PRKG1: variants seen among roughly 807,000 people sequenced by gnomAD.
PRKG1 encodes cGMP-dependent protein kinase 1.
Under a neutral mutation model 88.1 loss-of-function variants are expected in PRKG1, and 35 were observed. The ratio of observed to expected loss-of-function variants is 0.40; its 90% CI spans 0.30 to 0.53. PRKG1 has a LOEUF of 0.53. PRKG1 is among the 20% of genes least tolerant of loss of function. The probability of loss-of-function intolerance (pLI) is 0.59; values close to 1 mark genes in which losing one functional copy is unlikely to be tolerated. For missense variants in PRKG1, 540 were observed against 839.8 expected (o/e 0.64, Z 4.41); for synonymous variants, 303 against 292.5 (o/e 1.04, Z -0.37).
At position 51,614,473 on chromosome 10, in the gene PRKG1, T is replaced by A. The variant is rs764473933; in HGVS notation, c.592+146637T>A. 1.7e-4 allele frequency among the ~76,000 whole-genome samples: 26 copies of A among 152,164 alleles called. No individual in the cohort carries two copies. The East Asian group carries it at 2.5e-3, about 15-fold the overall frequency. Reference sequence around the variant, plus strand: ...GGTCAGTATTCAAGGATCATTTTTTTAAATGTATTCCGCCAGTCTATACTT... The same window carrying A: ...GGTCAGTATTCAAGGATCATTTTTTAAAATGTATTCCGCCAGTCTATACTT... On this transcript the variant is annotated intron_variant, in intron 3 of 17. Transcript: ENST00000373980.
intron 1 of PRKG1, among the ~76,000 whole-genome samples, chr10:51,121,235 A>G (rs992675366): frequency 1.5e-4 from 23 of 152,130 alleles, no homozygotes; most frequent in Admixed American, 4.6e-4. Flanking sequence ...CTTTTTCCAT[A>G]TAAGGTAATA....
At chr10:51,305,582 G>T (rs1841015670) in intron 2 of PRKG1, among the ~76,000 whole-genome samples, 1 of 152,028 alleles carries the variant, frequency 6.6e-6, no homozygotes, top group Non-Finnish European at 1.5e-5. Flanking sequence ...CCTTTCAATT[G>T]GCCTTTAGGG....
At chr10:51,080,266 A>G (rs1844073228) in intron 1 of PRKG1, among the ~76,000 whole-genome samples, 1 of 152,232 alleles carries the variant, frequency 6.6e-6, no homozygotes, top group Non-Finnish European at 1.5e-5. Flanking sequence ...GCTCTTAAAT[A>G]GAATGGCTCT....
chr10:51,091,259 T>C (rs1490739747), intron 1 of PRKG1, among the ~76,000 whole-genome samples: 1 of 152,188 alleles, frequency 6.6e-6, no homozygotes, highest in Non-Finnish European at 1.5e-5. Flanking sequence ...ACTTACCTAT[T>C]ATACATGTAA....
intron 3 of PRKG1, among the ~76,000 whole-genome samples, chr10:51,483,516 A>G (rs890532272): frequency 6.6e-6 from 1 of 152,052 alleles, no homozygotes; most frequent in African/African-American, 2.4e-5. Context: ...AAATTTCTTC[A>G]CTAATTTGTC....
intron 8 of PRKG1, among the ~76,000 whole-genome samples, chr10:52,152,327 G>A (rs1236282520): frequency 1.3e-5 from 2 of 152,100 alleles, no homozygotes; most frequent in East Asian, 3.9e-4. Context: ...TAGACTAGGT[G>A]CCTGATCTCA....
At chr10:52,128,253 T>C in intron 7 of PRKG1, 1 of 985,464 alleles carries the variant, frequency 1.0e-6, no homozygotes, top group Non-Finnish European at 1.2e-6. Context: ...GCTGGGACTC[T>C]GTGGACAGCA....
chr10:51,044,646 C>T (rs1843464880), intron 1 of PRKG1, among the ~76,000 whole-genome samples: 2 of 151,980 alleles, frequency 1.3e-5, no homozygotes, highest in Non-Finnish European at 2.9e-5. Context: ...ATAGACTCCC[C>T]TCCTTTGAGA....
At chr10:51,610,676 C>T (rs999746231) in intron 3 of PRKG1, among the ~76,000 whole-genome samples, 4 of 152,024 alleles carry the variant, frequency 2.6e-5, no homozygotes, top group Non-Finnish European at 5.9e-5. Flanking sequence ...GGTACATAAA[C>T]ACTGTGGAAC....
At chr10:52,190,913 T>C (rs1054983941) in intron 9 of PRKG1, among the ~76,000 whole-genome samples, 2 of 152,206 alleles carry the variant, frequency 1.3e-5, no homozygotes, top group Non-Finnish European at 2.9e-5. Context: ...TCCTCCCAAA[T>C]ACATCCTTCT....
chr10:51,118,624 A>C (rs1315839455), intron 1 of PRKG1, among the ~76,000 whole-genome samples: 1 of 152,126 alleles, frequency 6.6e-6, no homozygotes, highest in African/African-American at 2.4e-5. Flanking sequence ...TCTTATTAGC[A>C]TCAGTTTTTC....
At chr10:51,553,163 G>C (rs1318205902) in intron 3 of PRKG1, among the ~76,000 whole-genome samples, 3 of 151,548 alleles carry the variant, frequency 2.0e-5, no homozygotes, top group South Asian at 2.1e-4. Flanking sequence ...TCTTCTTGCT[G>C]AGCCCTAACT....
At chr10:51,600,176 T>C (rs12251907) in intron 3 of PRKG1, among the ~76,000 whole-genome samples, 11,575 of 152,218 alleles carry the variant, frequency 0.076, 1,475 homozygotes, top group African/African-American at 0.26. Flanking sequence ...GTCCTTTGTG[T>C]TTTAATCTCT....
At chr10:51,105,687 A>C (rs1442696347) in intron 1 of PRKG1, among the ~76,000 whole-genome samples, 1 of 151,300 alleles carries the variant, frequency 6.6e-6, no homozygotes, top group East Asian at 1.9e-4. Flanking sequence ...TAGACATTAA[A>C]ATTTTTTTCC....
intron 1 of PRKG1, among the ~76,000 whole-genome samples, chr10:51,028,870 T>A (rs1019734963): frequency 2.6e-5 from 4 of 152,200 alleles, no homozygotes; most frequent in Non-Finnish European, 4.4e-5. Flanking sequence ...ACATGTTACC[T>A]AAACTAACTT....
chr10:51,982,468 G>A (rs78980222), intron 5 of PRKG1, among the ~76,000 whole-genome samples: 6,672 of 152,192 alleles, frequency 0.044, 448 homozygotes, highest in African/African-American at 0.15. Context: ...CTTTGAAGTC[G>A]CTGACGTTTT....
At chr10:52,073,398 A>G (rs1268163359) in intron 7 of PRKG1, among the ~76,000 whole-genome samples, 1 of 152,084 alleles carries the variant, frequency 6.6e-6, no homozygotes, top group Non-Finnish European at 1.5e-5. Flanking sequence ...TTTCTCCTCA[A>G]AGGCTTGCTC....
At chr10:51,087,166 G>A (rs1266933447) in intron 1 of PRKG1, among the ~76,000 whole-genome samples, 2 of 151,942 alleles carry the variant, frequency 1.3e-5, no homozygotes, top group South Asian at 2.1e-4. Flanking sequence ...GCTCAAATTA[G>A]GCTCACTTTT....
chr10:52,050,695 G>T (rs563257505), intron 5 of PRKG1, among the ~76,000 whole-genome samples: 1 of 152,088 alleles, frequency 6.6e-6, no homozygotes, highest in Non-Finnish European at 1.5e-5. Flanking sequence ...ACATATGTTC[G>T]TTCAGTGAAT....
Sources: allele counts gnomAD v4.1 joint callset (sites outside exome capture counted in the v4.1 genomes callset), GRCh38; gene constraint gnomAD v4.1.1; transcripts MANE v1.5; gene names NCBI Gene and HGNC (gene_info 2026-07-23, HGNC 2026-07-21).